Variants in PCDHGB2 observed in about 807,000 individuals in gnomAD.
The protein encoded by PCDHGB2 is protocadherin gamma subfamily B, 2.
In PCDHGB2, 55 loss-of-function variants were observed where a neutral mutation model predicts 59.3. The observed-to-expected ratio is 0.93, with a 90% CI of 0.75 to 1.16. The LOEUF (loss-of-function observed/expected upper bound fraction) is 1.16, where lower values mean the gene tolerates loss of function less well. Among genes scored for constraint, PCDHGB2 ranks in the 50% most tolerant of loss-of-function variants. PCDHGB2 has a pLI of 0.00. For missense variants in PCDHGB2, 1,228 were observed against 1,198.5 expected (o/e 1.02, Z -0.36); for synonymous variants, 516 against 512.0 (o/e 1.01, Z -0.11).
At chr5:141,503,023 A>AAT (rs2099817696) in intron 2 of PCDHGB2, among the ~76,000 whole-genome samples, 1 of 141,888 alleles carries the variant, frequency 7.0e-6, no homozygotes, top group African/African-American at 2.6e-5. Context: ...TTTTTTTTTT[A>AAT]ATATCTATTT....
At position 141,398,826 on chromosome 5, in the gene PCDHGB2, C is replaced by T. The variant is rs755219133; in HGVS notation, c.2421+36270C>T. On this transcript the variant is annotated intron_variant, in intron 1 of 3. Coordinates refer to ENST00000522605, the MANE Select transcript of PCDHGB2 (RefSeq NM_018923.3). ...CCACTGAGCTCCGGATCCAGGTAACCGACGCCAATGATAATCCCCCGGTAT... is the reference window on the plus strand; with the variant it reads ...CCACTGAGCTCCGGATCCAGGTAACTGACGCCAATGATAATCCCCCGGTAT... 81 of 1,613,942 alleles carry T rather than the reference C, an allele frequency of 5.0e-5. 1 individual carries two copies. In the South Asian group the frequency reaches 7.7e-4, roughly 15 times the overall value.
intron 1 of PCDHGB2, chr5:141,388,229 C>A (rs1041340259): frequency 1.7e-5 from 27 of 1,606,864 alleles, no homozygotes; most frequent in Non-Finnish European, 2.2e-5. Context: ...ATCCACTGAA[C>A]TTTTATCACG....
At position 141,398,948 on chromosome 5, in the gene PCDHGB2, A is replaced by T. The variant is rs775133149; in HGVS notation, c.2421+36392A>T. The T allele has an allele frequency of 2.5e-6, 4 of 1,613,958 alleles. No homozygotes were observed. The South Asian group carries it at 3.3e-5, about 13-fold the overall frequency. On this transcript the variant is annotated intron_variant, in intron 1 of 3. Transcript: ENST00000522605. The stretch of plus-strand genomic sequence containing the variant: ...GCCACTGACCAAGACGAGGGCATCA[A>T]CTCAGAAATTACTTATTCCTTCTAC...
At chr5:141,503,229 T>C (rs986982708) in intron 2 of PCDHGB2, among the ~76,000 whole-genome samples, 1 of 152,080 alleles carries the variant, frequency 6.6e-6, no homozygotes, top group African/African-American at 2.4e-5. Context: ...ACCGTAAAGA[T>C]GGACAGTTTC....
chr5:141,384,837 C>T, intron 1 of PCDHGB2: 1 of 1,613,562 alleles, frequency 6.2e-7, no homozygotes, highest in Non-Finnish European at 8.5e-7. Flanking sequence ...TGGTGGCCGT[C>T]CAGGACCACG....
chr5:141,433,843 A>C (rs2097657951), intron 1 of PCDHGB2, among the ~76,000 whole-genome samples: 1 of 151,956 alleles, frequency 6.6e-6, no homozygotes, highest in African/African-American at 2.4e-5. Context: ...ATCTCAAAAA[A>C]AAAAAAAAAA....
chr5:141,492,078 C>T (rs948391194), intron 1 of PCDHGB2: 4 of 483,290 alleles, frequency 8.3e-6, no homozygotes, highest in African/African-American at 2.0e-5. Flanking sequence ...GCGCCGGCTC[C>T]GGCACGCTTC....
intron 2 of PCDHGB2, among the ~76,000 whole-genome samples, chr5:141,502,431 G>A (rs998074347): frequency 1.3e-5 from 2 of 151,948 alleles, no homozygotes; most frequent in African/African-American, 4.8e-5. Context: ...TTCTCTGATG[G>A]TTAGATTCAG....
intron 1 of PCDHGB2, among the ~76,000 whole-genome samples, chr5:141,473,195 C>G (rs1053769499): frequency 6.6e-6 from 1 of 152,104 alleles, no homozygotes; most frequent in Non-Finnish European, 1.5e-5. Flanking sequence ...GTAAATGTAT[C>G]TTCTAAAAAA....
chr5:141,497,385 C>T (rs2154592097), intron 2 of PCDHGB2, among the ~76,000 whole-genome samples: 1 of 152,212 alleles, frequency 6.6e-6, no homozygotes, highest in African/African-American at 2.4e-5. Flanking sequence ...GGGGTGAGCA[C>T]CTTACCCCTG....
intron 2 of PCDHGB2, among the ~76,000 whole-genome samples, chr5:141,504,354 G>C (rs1349256606): frequency 6.6e-6 from 1 of 152,100 alleles, no homozygotes; most frequent in Non-Finnish European, 1.5e-5. Flanking sequence ...TGTGCTAGGT[G>C]CTTCAGTAGG....
At chr5:141,443,704 C>T (rs894128704) in intron 1 of PCDHGB2, among the ~76,000 whole-genome samples, 6 of 152,102 alleles carry the variant, frequency 3.9e-5, no homozygotes, top group Non-Finnish European at 7.4e-5. Flanking sequence ...TATAGAATAA[C>T]ATTTGCATAT....
intron 1 of PCDHGB2, chr5:141,392,710 C>T: frequency 7.4e-7 from 1 of 1,345,380 alleles, no homozygotes; most frequent in Non-Finnish European, 9.8e-7. Flanking sequence ...TGGAGGCACT[C>T]CAGGTTTCCG....
At chr5:141,428,455 T>C (rs898393760) in intron 1 of PCDHGB2, 61 of 361,572 alleles carry the variant, frequency 1.7e-4, no homozygotes, top group African/African-American at 1.2e-3. Context: ...TTTTCCCAAC[T>C]ACAATGAGGG....
At chr5:141,464,944 G>T (rs1379789566) in intron 1 of PCDHGB2, among the ~76,000 whole-genome samples, 1 of 151,826 alleles carries the variant, frequency 6.6e-6, no homozygotes, top group African/African-American at 2.4e-5. Context: ...GTCTCACTAT[G>T]TTGCCCAGGC....
In PCDHGB2 at chr5:141,490,951, T is replaced by C. The variant is rs778168052; in HGVS notation, c.2422-3856T>C. 20 of 1,613,640 alleles carry C rather than the reference T, an allele frequency of 1.2e-5. No homozygotes were observed. Among genetic ancestry groups the C allele is most frequent in the Middle Eastern group, 1.6e-4 (1 of 6,084 alleles). On this transcript the variant is annotated intron_variant, in intron 1 of 3. Coordinates refer to ENST00000522605, the MANE Select transcript of PCDHGB2 (RefSeq NM_018923.3). This position sits in a 1 kb window ranked among gnomAD's most constrained non-coding sequence, Gnocchi z 5.4. The stretch of plus-strand genomic sequence containing the variant: ...AGCTGTGCTGCACCCACGGCCAGAC[T>C]GGGAACACTCAGCCCCCCAGCGTCT...
Position 141,489,409 on chromosome 5 carries a change from A to T in PCDHGB2, c.2422-5398A>T. On this transcript the variant is annotated intron_variant, in intron 1 of 3. Transcript: ENST00000522605. The surrounding 1 kb of genome is among the most constrained non-coding windows in gnomAD (Gnocchi z 4.5). ...TGCTCAGGATCTGGGCTTAAAGATG[A>T]CAGATCTGTTGAGCCGGCGGCTGCA... 1.9e-6 allele frequency: 3 copies of T among 1,614,114 alleles called. No homozygotes were observed. The highest frequency in any genetic ancestry group is 2.5e-6 in the Non-Finnish European group (3 of 1,180,004).
rs555307283 is a variant in PCDHGB2 at position 141,360,777 on chromosome 5, T to G, written c.642T>G (p.Ala214=). ...EHSLHQLVLT[A]VDGGDPPQSG... Reference sequence around the variant, plus strand: ...GTTTACATCAATTGGTCCTCACAGCTGTGGATGGCGGAGACCCACCTCAAA... The same window carrying G: ...GTTTACATCAATTGGTCCTCACAGCGGTGGATGGCGGAGACCCACCTCAAA... The change falls in exon 1 of 4, where the codon GCT becomes GCG. Residue 214 remains alanine (A), a synonymous_variant. Transcript: ENST00000522605. 6.2e-7 allele frequency: 1 copy of G among 1,613,966 alleles called. No individual in the cohort carries two copies. Among genetic ancestry groups the G allele is most frequent in the South Asian group, 1.1e-5 (1 of 91,084 alleles).
At chr5:141,382,924 G>A in intron 1 of PCDHGB2, 1 of 1,568,666 alleles carries the variant, frequency 6.4e-7, no homozygotes, top group Non-Finnish European at 8.7e-7. Flanking sequence ...GAGGGGCGGG[G>A]ACTACAGAGG....
Sources: allele counts gnomAD v4.1 joint callset (sites outside exome capture counted in the v4.1 genomes callset), GRCh38; gene constraint gnomAD v4.1.1; non-coding constraint Gnocchi (gnomAD v3.1); transcripts MANE v1.5; gene names NCBI Gene and HGNC (gene_info 2026-07-23, HGNC 2026-07-21).